HECW1: variants seen among roughly 807,000 people sequenced by gnomAD.
The protein encoded by HECW1 is HECT, C2 and WW domain containing E3 ubiquitin protein ligase 1.
Under a neutral mutation model 182.3 loss-of-function variants are expected in HECW1, and 61 were observed. The ratio of observed to expected loss-of-function variants is 0.33; its 90% CI spans 0.27 to 0.41. The LOEUF is 0.41. Among genes scored for constraint, HECW1 ranks in the 10% least tolerant of loss-of-function variants. The pLI, the probability that HECW1 is intolerant of heterozygous loss-of-function variation, is 1.00. For synonymous variants in HECW1, 859 were observed against 832.6 expected (o/e 1.03, Z -0.55); for missense variants, 1,739 against 2,108.9 (o/e 0.82, Z 3.44).
At chr7:43,409,046 T>G (rs772877803) in intron 8 of HECW1, among the ~76,000 whole-genome samples, 89 of 152,310 alleles carry the variant, frequency 5.8e-4, no homozygotes, top group Non-Finnish European at 1.1e-3. Context: ...ATTTAGAGCT[T>G]TCAAGCATCC....
In HECW1 at chr7:43,561,931, A is replaced by G. The variant is rs748887903; in HGVS notation, c.*5A>G. 5 of 1,549,660 alleles carry G rather than the reference A, an allele frequency of 3.2e-6. No homozygotes were observed. The highest frequency in any genetic ancestry group is 1.7e-5 in the Admixed American group (1 of 59,910). ...AGCACCTTTGGACTTGAGTGAGGACATGGAACCTCGCCTGACATTTTCCTG... is the reference window on the plus strand; with the variant it reads ...AGCACCTTTGGACTTGAGTGAGGACGTGGAACCTCGCCTGACATTTTCCTG... On this transcript the variant is annotated 3_prime_UTR_variant, in exon 30 of 30. Coordinates refer to ENST00000395891, the MANE Select transcript of HECW1 (RefSeq NM_015052.5).
chr7:43,301,270 G>A (rs1262896297), intron 3 of HECW1, among the ~76,000 whole-genome samples: 1 of 152,174 alleles, frequency 6.6e-6, no homozygotes, highest in Non-Finnish European at 1.5e-5. Flanking sequence ...GCTTTTCCAC[G>A]AGAAGTTCCT....
intron 7 of HECW1, among the ~76,000 whole-genome samples, chr7:43,399,325 A>G (rs2075330212): frequency 6.6e-6 from 1 of 152,204 alleles, no homozygotes; most frequent in Admixed American, 6.5e-5. Flanking sequence ...GATTTCTTTC[A>G]CTGTCTCAGT....
At chr7:43,306,700 G>A (rs914373412) in intron 3 of HECW1, among the ~76,000 whole-genome samples, 2 of 151,790 alleles carry the variant, frequency 1.3e-5, no homozygotes, top group South Asian at 2.1e-4. Flanking sequence ...ACTCACTCAC[G>A]GCTTTATATT....
intron 24 of HECW1, among the ~76,000 whole-genome samples, chr7:43,515,545 G>T (rs2080105167): frequency 6.6e-6 from 1 of 152,136 alleles, no homozygotes; most frequent in Non-Finnish European, 1.5e-5. Flanking sequence ...ATAAATGGTG[G>T]GAAGTTAAGT....
chr7:43,479,606 G>T lies in HECW1; in HGVS notation c.3100-4G>T. ...GGTGCTTTTTTTCACTGGTCTGTTC[G>T]CAGTCTTTTTTCGTGGACCACAACA... is the stretch of plus-strand genomic sequence containing the variant. On this transcript the variant is annotated splice_region_variant and splice_polypyrimidine_tract_variant and intron_variant, in intron 16 of 29. Coordinates refer to ENST00000395891, the MANE Select transcript of HECW1 (RefSeq NM_015052.5). The T allele has an allele frequency of 2.5e-6, 4 of 1,613,844 alleles. No homozygotes were observed. Among genetic ancestry groups the T allele is most frequent in the African/African-American group, 2.7e-5 (2 of 74,952 alleles).
At chr7:43,410,560 T>G (rs1384824211) in intron 8 of HECW1, among the ~76,000 whole-genome samples, 1 of 152,178 alleles carries the variant, frequency 6.6e-6, no homozygotes, top group Non-Finnish European at 1.5e-5. Context: ...CAACAGGAAG[T>G]TTTCCTCCTC....
At chr7:43,317,812 TGTG>T (rs1809532422) in intron 4 of HECW1, among the ~76,000 whole-genome samples, 3 of 73,244 alleles carry the variant, frequency 4.1e-5, no homozygotes, top group African/African-American at 2.6e-4. Flanking sequence ...CTCATTATTG[TGTG>T]TGTGTGTGTG....
Position 43,243,374 on chromosome 7 carries a change from T to C in HECW1, c.-31-501T>C, listed in dbSNP as rs1799064296. Reference sequence around the variant, plus strand: ...AACAAGTGGAAGGGGATGGCACTTCTTGAGTCTTTCCCATCTGAGTAAATG... The same window carrying C: ...AACAAGTGGAAGGGGATGGCACTTCCTGAGTCTTTCCCATCTGAGTAAATG... On this transcript the variant is annotated intron_variant, in intron 2 of 29. Transcript: ENST00000395891. This position sits in a 1 kb window ranked among gnomAD's most constrained non-coding sequence, Gnocchi z 4.0. Among the ~76,000 whole-genome samples, 1 of 152,208 alleles carries C rather than the reference T, an allele frequency of 6.6e-6. No individual in the cohort carries two copies. The highest frequency in any genetic ancestry group is 2.4e-5 in the African/African-American group (1 of 41,454).
intron 3 of HECW1, among the ~76,000 whole-genome samples, chr7:43,273,298 C>T (rs1412462901): frequency 1.3e-5 from 2 of 151,766 alleles, no homozygotes; most frequent in Non-Finnish European, 2.9e-5. Context: ...CAACAAACCT[C>T]CACGTGTACC....
chr7:43,300,939 C>T (rs1330716470), intron 3 of HECW1, among the ~76,000 whole-genome samples: 1 of 152,204 alleles, frequency 6.6e-6, no homozygotes, highest in Non-Finnish European at 1.5e-5. Flanking sequence ...CACGGTGCCA[C>T]TTGTTTAGAC....
At chr7:43,538,585 A>C (rs892959631) in intron 24 of HECW1, among the ~76,000 whole-genome samples, 7 of 152,162 alleles carry the variant, frequency 4.6e-5, no homozygotes, top group African/African-American at 1.7e-4. Flanking sequence ...CACATCTCAA[A>C]ATAGACACAG....
chr7:43,159,488 A>G, intron 2 of HECW1, among the ~76,000 whole-genome samples: 1 of 152,198 alleles, frequency 6.6e-6, no homozygotes, highest in South Asian at 2.1e-4. Flanking sequence ...ACATTGATAT[A>G]TTAGTTTCCT....
chr7:43,406,842 C>T (rs1402547346), intron 7 of HECW1, among the ~76,000 whole-genome samples: 3 of 152,082 alleles, frequency 2.0e-5, no homozygotes, highest in African/African-American at 7.2e-5. Flanking sequence ...ATGCTTGAAC[C>T]CAGGAGGCAG....
At chr7:43,129,426 G>T (rs1410007507) in intron 2 of HECW1, among the ~76,000 whole-genome samples, 1 of 152,152 alleles carries the variant, frequency 6.6e-6, no homozygotes, top group Non-Finnish European at 1.5e-5. Context: ...TGAAATTAAG[G>T]TGTGTGTATT....
intron 24 of HECW1, chr7:43,522,344 G>T (rs2080521299): frequency 6.6e-6 from 1 of 151,392 alleles, no homozygotes; most frequent in Non-Finnish European, 1.5e-5. Flanking sequence ...TTAGTCCACT[G>T]AGTTCATGTC....
intron 3 of HECW1, among the ~76,000 whole-genome samples, chr7:43,275,266 A>G (rs1313476555): frequency 4.6e-5 from 7 of 152,242 alleles, no homozygotes; most frequent in African/African-American, 1.7e-4. Context: ...TCCTAAGACT[A>G]TTTAATAAAA....
intron 3 of HECW1, among the ~76,000 whole-genome samples, chr7:43,301,890 A>AAG (rs1491422982): frequency 4.7e-5 from 7 of 150,412 alleles, no homozygotes; most frequent in African/African-American, 1.5e-4. Flanking sequence ...AAAAAAAAAA[A>AAG]GAAGCAGGAG....
intron 5 of HECW1, among the ~76,000 whole-genome samples, chr7:43,356,090 C>T (rs1815096351): frequency 6.6e-6 from 1 of 152,106 alleles, no homozygotes; most frequent in African/African-American, 2.4e-5. Context: ...ATGCTCAATT[C>T]TCTAATTAAA....
Sources: gnomAD v4.1 joint callset for allele counts (sites outside exome capture counted in the v4.1 genomes callset) on GRCh38, gnomAD v4.1.1 for gene constraint, Gnocchi (gnomAD v3.1) non-coding constraint, MANE v1.5 for transcripts, NCBI Gene and HGNC (gene_info 2026-07-23, HGNC 2026-07-21) for gene names.